Variants in POLR2B observed in about 807,000 individuals in gnomAD.
The protein encoded by POLR2B is RNA polymerase II subunit B, also known as DNA-directed RNA polymerase II subunit RPB2.
Under a neutral mutation model 144.6 loss-of-function variants are expected in POLR2B, and 57 were observed. The observed-to-expected ratio is 0.39, with a 90% CI of 0.32 to 0.49. The LOEUF (loss-of-function observed/expected upper bound fraction) is 0.49. Ranked by LOEUF, POLR2B falls within the 20% of genes least tolerant of loss-of-function variation. POLR2B has a pLI of 0.83. For synonymous variants in POLR2B, 442 were observed against 469.8 expected, an observed-to-expected ratio of 0.94 and a Z score of 0.77; for missense variants, 595 against 1,467.4, an observed-to-expected ratio of 0.41 and a Z score of 9.71.
intron 7 of POLR2B, chr4:57,002,802 C>T (rs377213676): frequency 2.0e-5 from 3 of 151,120 alleles, no homozygotes; most frequent in African/African-American, 7.3e-5. Context: ...TGTTTGACCC[C>T]TGGGTCCTCC....
At position 56,980,869 on chromosome 4, in the gene POLR2B, A is replaced by G. The variant is rs371060056; in HGVS notation, c.19+1865A>G. Among the ~76,000 whole-genome samples, 6 of 151,520 alleles carry G rather than the reference A, an allele frequency of 4.0e-5. No individual in the cohort carries two copies. In the South Asian group the frequency reaches 8.3e-4, roughly 21 times the overall value. On this transcript the variant is annotated intron_variant, in intron 1 of 24. Coordinates refer to ENST00000314595, the MANE Select transcript of POLR2B (RefSeq NM_000938.3). ...GCCCAGGCTTGAGTGTGGTGGCGCA[A>G]TCTCGGCTCACTGTAACCTCCATCT...
chr4:56,980,394 T>C (rs1207436598), intron 1 of POLR2B, among the ~76,000 whole-genome samples: 1 of 152,204 alleles, frequency 6.6e-6, no homozygotes, highest in East Asian at 1.9e-4. Flanking sequence ...GGGTAATATA[T>C]TCTCATAGCT....
In POLR2B at chr4:56,988,971, A is replaced by G. The variant is rs1015597533; in HGVS notation, c.93-1777A>G. ...TTTATCATTTGTTACAAAATAAATT[A>G]TTTGATTTTTAAGTTTAAATTGACT... On this transcript the variant is annotated intron_variant, in intron 2 of 24. Coordinates refer to ENST00000314595, the MANE Select transcript of POLR2B (RefSeq NM_000938.3). Among the ~76,000 whole-genome samples the G allele has an allele frequency of 2.0e-5, 3 of 152,216 alleles. No individual in the cohort carries two copies. In the South Asian group the frequency reaches 6.2e-4, roughly 31 times the overall value.
At chr4:57,014,040 G>A (rs1481567219) in intron 13 of POLR2B, among the ~76,000 whole-genome samples, 15 of 151,872 alleles carry the variant, frequency 9.9e-5, no homozygotes, top group Admixed American at 9.8e-4. Flanking sequence ...GCATTTGAAA[G>A]AAGAATCTTT....
In POLR2B at chr4:57,024,880, T is replaced by A. The variant is rs756562445; in HGVS notation, c.2965-6T>A. The A allele has an allele frequency of 9.4e-5, 137 of 1,457,210 alleles. No homozygotes were observed. Among genetic ancestry groups the A allele is most frequent in the Middle Eastern group, 1.7e-4 (1 of 5,774 alleles). 90.3% of individuals were successfully genotyped at this position (1,457,210 alleles called of 1,614,324 possible). On this transcript the variant is annotated splice_region_variant and splice_polypyrimidine_tract_variant and intron_variant, in intron 21 of 24. Transcript: ENST00000314595. ...ACATTTTAAAGAGTACTTTTTTTTTTAAAAGGTATCGGCTAACAAGGGTGA... is the reference window on the plus strand; with the variant it reads ...ACATTTTAAAGAGTACTTTTTTTTTAAAAAGGTATCGGCTAACAAGGGTGA...
At chr4:57,007,304 A>G (rs1723050760) in intron 10 of POLR2B, among the ~76,000 whole-genome samples, 2 of 152,010 alleles carry the variant, frequency 1.3e-5, no homozygotes. Context: ...CAGCTACTCT[A>G]CTTGGGAGGC....
chr4:57,024,918 C>G lies in POLR2B; in HGVS notation c.2997C>G (p.Ala999=). Residue 999 remains alanine (A), a synonymous_variant, in exon 22 of 25, where the codon GCC becomes GCG. Coordinates refer to ENST00000314595, the MANE Select transcript of POLR2B (RefSeq NM_000938.3). ...CTAACAAGGGTGAAATTGGTGATGC[C>G]ACTCCATTTAATGATGCTGTTAACG... The part of the protein sequence containing the change: ...VSANKGEIGD[A]TPFNDAVNVQ... The G allele has an allele frequency of 6.3e-7, 1 of 1,594,086 alleles. No individual in the cohort carries two copies. The highest frequency in any genetic ancestry group is 1.1e-5 in the South Asian group (1 of 88,888).
At position 57,011,284 on chromosome 4, in the gene POLR2B, C is replaced by CA. The variant is rs753577291; in HGVS notation, c.1800+184_1800+185insA. On this transcript the variant is annotated intron_variant, in intron 13 of 24. Coordinates refer to ENST00000314595, the MANE Select transcript of POLR2B (RefSeq NM_000938.3). ...GTGGCTCATGCCTGTAATCCCAGCA[C>CA]TTTGGGAGGCCGAGGCGCAGATCAC... Among the ~76,000 whole-genome samples, 156 of 152,364 alleles carry CA rather than the reference C, an allele frequency of 1.0e-3. 1 individual carries two copies. Among genetic ancestry groups the CA allele is most frequent in the Non-Finnish European group, 2.2e-3 (147 of 68,026 alleles).
At chr4:57,009,342 A>C (rs984768481) in intron 10 of POLR2B, among the ~76,000 whole-genome samples, 6 of 152,110 alleles carry the variant, frequency 3.9e-5, no homozygotes, top group Admixed American at 2.6e-4. Context: ...GTGTATGGTG[A>C]TGTCAGTGGA....
At position 57,023,212 on chromosome 4, in the gene POLR2B, G is replaced by A. The variant is rs552215731; in HGVS notation, c.2516-118G>A. 76 of 849,546 alleles carry A rather than the reference G, an allele frequency of 8.9e-5. No homozygotes were observed. In the African/African-American group the frequency reaches 1.0e-3, roughly 11 times the overall value. The allele number at this position is 849,546 out of a possible 1,614,324, so 52.6% of individuals were successfully genotyped here. The stretch of plus-strand genomic sequence containing the variant: ...ATAGTTTGTAATATTTGGAATAAGG[G>A]TGTGATTCATGGTATAGAGACTCCT... On this transcript the variant is annotated intron_variant, in intron 18 of 24. Coordinates refer to ENST00000314595, the MANE Select transcript of POLR2B (RefSeq NM_000938.3). The surrounding 1 kb of genome is among the most constrained non-coding windows in gnomAD (Gnocchi z 4.3).
rs1723634819 is a variant in POLR2B at position 57,024,120 on chromosome 4, A to G, written c.2964+8A>G. 5.1e-6 allele frequency: 7 copies of G among 1,384,994 alleles called. No individual in the cohort carries two copies. The highest frequency in any genetic ancestry group is 4.3e-5 in the African/African-American group (3 of 69,396). 85.8% of individuals were successfully genotyped at this position (1,384,994 alleles called of 1,614,324 possible). Reference sequence around the variant, plus strand: ...GAATGCCTTCAAGGGAAGGTAAGAGATGTTCTTCAAAAATATAGATTCTAA... The same window carrying G: ...GAATGCCTTCAAGGGAAGGTAAGAGGTGTTCTTCAAAAATATAGATTCTAA... On this transcript the variant is annotated splice_region_variant and intron_variant, in intron 21 of 24. Coordinates refer to ENST00000314595, the MANE Select transcript of POLR2B (RefSeq NM_000938.3).
chr4:57,001,551 T>C (rs534049208), intron 7 of POLR2B, among the ~76,000 whole-genome samples: 1 of 152,360 alleles, frequency 6.6e-6, no homozygotes, highest in African/African-American at 2.4e-5. Context: ...TTTTCACATA[T>C]TTCCCCATGA....
At position 56,987,966 on chromosome 4, in the gene POLR2B, A is replaced by G. The variant is rs1476919796; in HGVS notation, c.92+1540A>G. ...AAGCCAGGTGCTGTGGTGTGTGCCT[A>G]TATAGTCCCAGCTACCTGGGAGGCT... On this transcript the variant is annotated intron_variant, in intron 2 of 24. Transcript: ENST00000314595. Among the ~76,000 whole-genome samples the G allele has an allele frequency of 6.0e-5, 9 of 150,778 alleles. No homozygotes were observed. In the South Asian group the frequency reaches 1.1e-3, roughly 18 times the overall value.
rs369989752 is a variant in POLR2B, at chr4:56,978,999, A to C, written c.14A>C (p.Asp5Ala). 1 of 1,613,810 alleles carries C rather than the reference A, an allele frequency of 6.2e-7. No individual in the cohort carries two copies. Among genetic ancestry groups the C allele is most frequent in the Non-Finnish European group, 8.5e-7 (1 of 1,179,928 alleles). The change falls in exon 1 of 25, where the codon GAT becomes GCT. Residue 5 changes from aspartate to alanine, a missense_variant. Around this residue, in one of 9 missense-constraint regions of POLR2B, gnomAD observed 25 missense variants for 26.1 expected, o/e 0.96. Transcript: ENST00000314595. MYDA[D>A]EDMQYDEDDD... ...CCGTTTGGCAATATGTACGACGCGG[A>C]TGAGGGTAGGTGAACGCTCAAAACA... is the stretch of plus-strand genomic sequence containing the variant.
intron 9 of POLR2B, among the ~76,000 whole-genome samples, chr4:57,006,403 C>G (rs573819434): frequency 9.8e-5 from 15 of 152,312 alleles, no homozygotes; most frequent in African/African-American, 3.4e-4. Flanking sequence ...CTCCAGGGTT[C>G]AAGCGGTTCT....
chr4:57,030,492 G>T, intron 24 of POLR2B, 93 bp downstream of exon 24: 1 of 842,110 alleles, frequency 1.2e-6, no homozygotes. Context: ...AGAACAGATT[G>T]GCATTTTCAC....
At position 57,023,749 on chromosome 4, in the gene POLR2B, GAGGT is replaced by G; in HGVS notation, c.2856+4_2856+7del. 6.3e-7 allele frequency: 1 copy of G among 1,575,788 alleles called. No individual in the cohort carries two copies. The highest frequency in any genetic ancestry group is 8.7e-7 in the Non-Finnish European group (1 of 1,154,386). On this transcript the variant is annotated splice_donor_variant and coding_sequence_variant, in exon 20 of 25. Transcript: ENST00000314595. LOFTEE classifies it high-confidence loss of function. This position sits in a 1 kb window ranked among gnomAD's most constrained non-coding sequence, Gnocchi z 4.3. ...TACTTGTGGTATTCAGTATAGACAA[GAGGT>G]AGGTATCTTTGATCTCCCTCATGCC...
At chr4:56,990,704 A>G in intron 2 of POLR2B, 44 bp from the exon 3 acceptor site, 1 of 1,524,114 alleles carries the variant, frequency 6.6e-7, no homozygotes. Flanking sequence ...TATGCTAGAA[A>G]TTATCACTGA....
At position 57,020,891 on chromosome 4, in the gene POLR2B, C is replaced by G; in HGVS notation, c.2324-8C>G. On this transcript the variant is annotated splice_polypyrimidine_tract_variant and splice_region_variant and intron_variant, in intron 16 of 24. Transcript: ENST00000314595. The stretch of plus-strand genomic sequence containing the variant: ...ATGTTTTAATGTATGCTCTTAAATT[C>G]ACTGCAGGCATCAACTCAATTGTGG... 2 of 1,475,216 alleles carry G rather than the reference C, an allele frequency of 1.4e-6. No homozygotes were observed. The highest frequency in any genetic ancestry group is 1.9e-6 in the Non-Finnish European group (2 of 1,053,324). The allele number at this position is 1,475,216 out of a possible 1,614,324, so 91.4% of individuals were successfully genotyped here.
Sources: allele counts gnomAD v4.1 joint callset (sites outside exome capture counted in the v4.1 genomes callset), GRCh38; gene constraint gnomAD v4.1.1; regional missense constraint gnomAD v4.1.1; non-coding constraint Gnocchi (gnomAD v3.1); transcripts MANE v1.5; gene names NCBI Gene and HGNC (gene_info 2026-07-23, HGNC 2026-07-21).